CASD1: variants seen among roughly 807,000 people sequenced by gnomAD.
CASD1 encodes CAS1 domain sialic acid O acetyltransferase 1.
CASD1 carries 41 observed loss-of-function variants against 100.0 expected under a neutral mutation model. The observed-to-expected ratio is 0.41, with a 90% CI of 0.32 to 0.53. CASD1 has a LOEUF of 0.53. CASD1 is among the 20% of genes least tolerant of loss of function. The probability of loss-of-function intolerance (pLI) is 0.25; values close to 1 mark genes in which losing one functional copy is unlikely to be tolerated. For synonymous variants in CASD1, 321 were observed against 315.6 expected (o/e 1.02, Z -0.18); for missense variants, 774 against 948.7 (o/e 0.82, Z 2.42).
At chr7:94,549,498 C>A in intron 13 of CASD1, 35 bp from the exon 14 acceptor site, 1 of 1,431,346 alleles carries the variant, frequency 7.0e-7, no homozygotes, top group Non-Finnish European at 9.8e-7. Flanking sequence ...TTGACTTGTA[C>A]CATCTTAATT....
chr7:94,625,164 A>C, the CASD1 span: 1 of 152,026 alleles, frequency 6.6e-6, no homozygotes, highest in Non-Finnish European at 1.5e-5. Flanking sequence ...TTAGATACTT[A>C]AAATCTAAAT....
chr7:94,509,937 G>C lies in CASD1; in HGVS notation c.-148G>C. 3.4e-6 allele frequency: 4 copies of C among 1,176,138 alleles called. No individual in the cohort carries two copies. Among genetic ancestry groups the C allele is most frequent in the Middle Eastern group, 3.5e-4 (1 of 2,844 alleles). 72.9% of individuals were successfully genotyped at this position (1,176,138 alleles called of 1,614,324 possible). A position where few individuals can be genotyped will look rare whatever the true frequency, so the allele number is the denominator to read the frequency against. ...AGGTCGGGGGCGCCGCGGCCGCGGG[G>C]TCAGGTTCCCCGGCGGGAGGCGCAG... is the stretch of plus-strand genomic sequence containing the variant. On this transcript the variant is annotated 5_prime_UTR_variant, in exon 1 of 18. Coordinates refer to ENST00000297273, the MANE Select transcript of CASD1 (RefSeq NM_022900.5).
the CASD1 span, among the ~76,000 whole-genome samples, chr7:94,633,451 T>A: frequency 5.9e-5 from 9 of 152,246 alleles, no homozygotes; most frequent in South Asian, 1.9e-3. Context: ...TATCTCGCTC[T>A]CCCTAAACAT....
chr7:94,541,543 T>TG (rs1347354619), intron 10 of CASD1, among the ~76,000 whole-genome samples: 9 of 48,550 alleles, frequency 1.9e-4, no homozygotes, highest in Non-Finnish European at 5.0e-4. Flanking sequence ...ACTGGTTTTT[T>TG]TTTTTTTTTT....
At position 94,538,966 on chromosome 7, in the gene CASD1, G is replaced by T; in HGVS notation, c.1267-1G>T. On this transcript the variant is annotated splice_acceptor_variant, in intron 9 of 17. Transcript: ENST00000297273. LOFTEE classifies it high-confidence loss of function. ...AAACAGATTTTGGTTCCTTTACACA[G>T]ACTAAAGTATTAAATAGAGAACAAA... 6.4e-7 allele frequency: 1 copy of T among 1,569,492 alleles called. No individual in the cohort carries two copies. Among genetic ancestry groups the T allele is most frequent in the South Asian group, 1.1e-5 (1 of 88,952 alleles).
the CASD1 span, among the ~76,000 whole-genome samples, chr7:94,595,751 C>T: frequency 6.6e-6 from 1 of 151,986 alleles, no homozygotes; most frequent in African/African-American, 2.4e-5. Flanking sequence ...ATGATGAACC[C>T]CATACAATAA....
chr7:94,584,531 G>A, the CASD1 span, among the ~76,000 whole-genome samples: 1 of 152,218 alleles, frequency 6.6e-6, no homozygotes, highest in Non-Finnish European at 1.5e-5. Context: ...TGGAAAACAA[G>A]TTACGGTACC....
chr7:94,619,579 A>G, the CASD1 span: 1 of 152,294 alleles, frequency 6.6e-6, no homozygotes, highest in East Asian at 1.9e-4. Flanking sequence ...TGTTACTCAA[A>G]TGCTACTCTT....
chr7:94,517,709 A>G (rs1457770000), intron 2 of CASD1, 53 bp downstream of exon 2: 3 of 1,065,476 alleles, frequency 2.8e-6, no homozygotes, highest in Non-Finnish European at 4.3e-6. Context: ...CTTAATATGT[A>G]GTGGAGAGGG....
At chr7:94,510,292 C>G (rs1793626619) in intron 1 of CASD1, 75 bp downstream of exon 1, 1 of 1,142,144 alleles carries the variant, frequency 8.8e-7, no homozygotes, top group Non-Finnish European at 1.1e-6. Flanking sequence ...CCGCCCCCAT[C>G]GCCCAACACA....
chr7:94,599,071 A>T, the CASD1 span: 1 of 761,896 alleles, frequency 1.3e-6, no homozygotes, highest in South Asian at 1.8e-5. Flanking sequence ...AAATAATAAG[A>T]CATTATGGCA....
the CASD1 span, among the ~76,000 whole-genome samples, chr7:94,614,364 A>C: frequency 6.6e-6 from 1 of 152,268 alleles, no homozygotes; most frequent in African/African-American, 2.4e-5. Flanking sequence ...TACAAGTGTG[A>C]TCTCTCTAAA....
chr7:94,628,264 T>C, the CASD1 span: 25 of 1,610,346 alleles, frequency 1.6e-5, no homozygotes, highest in African/African-American at 3.1e-4. Context: ...ACTCCATCAC[T>C]ATATGGTGTC....
the CASD1 span, chr7:94,623,364 C>T: frequency 3.7e-6 from 6 of 1,605,636 alleles, no homozygotes; most frequent in South Asian, 1.1e-5. Flanking sequence ...TTATGCCTTG[C>T]AGTCTCAAAG....
intron 5 of CASD1, among the ~76,000 whole-genome samples, chr7:94,528,456 T>C (rs917591889): frequency 6.6e-6 from 1 of 152,062 alleles, no homozygotes; most frequent in Non-Finnish European, 1.5e-5. Context: ...ATTATCACCA[T>C]TCTAACCATA....
chr7:94,632,038 T>C, the CASD1 span, among the ~76,000 whole-genome samples: 2 of 152,066 alleles, frequency 1.3e-5, no homozygotes, highest in African/African-American at 4.8e-5. Flanking sequence ...TAATACAAAG[T>C]ACGGCAGAGG....
intron 1 of CASD1, among the ~76,000 whole-genome samples, chr7:94,513,364 A>G (rs1793815682): frequency 6.6e-6 from 1 of 150,726 alleles, no homozygotes; most frequent in Non-Finnish European, 1.5e-5. Flanking sequence ...TCAGGAGGTA[A>G]TTTTCTAAAA....
At chr7:94,615,383 TAGATAG>T in the CASD1 span, among the ~76,000 whole-genome samples, 3 of 145,430 alleles carry the variant, frequency 2.1e-5, no homozygotes, top group African/African-American at 7.8e-5. Context: ...GATAGATAGA[TAGATAG>T]ATAGATAGAT....
the CASD1 span, chr7:94,589,249 A>C: frequency 6.1e-6 from 1 of 164,892 alleles, no homozygotes; most frequent in Non-Finnish European, 1.3e-5. Flanking sequence ...GGCGGAATGC[A>C]GAAGTCATCC....
Sources: gnomAD v4.1 joint callset for allele counts (sites outside exome capture counted in the v4.1 genomes callset) on GRCh38, gnomAD v4.1.1 for gene constraint, MANE v1.5 for transcripts, NCBI Gene and HGNC (gene_info 2026-07-23, HGNC 2026-07-21) for gene names.